L3MBTL1: variants seen among roughly 807,000 people sequenced by gnomAD.
The protein encoded by L3MBTL1 is L3MBTL histone methyl-lysine binding protein 1.
L3MBTL1 carries 75 observed loss-of-function variants against 105.3 expected under a neutral mutation model. The observed-to-expected ratio is 0.71, with a 90% CI of 0.59 to 0.86. The LOEUF is 0.86. Among genes scored for constraint, L3MBTL1 ranks in the 40% least tolerant of loss-of-function variants. The pLI is 0.00. For missense variants in L3MBTL1, 1,069 were observed against 1,126.4 expected (o/e 0.95, Z 0.73); for synonymous variants, 452 against 436.2 (o/e 1.04, Z -0.45).
intron 18 of L3MBTL1, among the ~76,000 whole-genome samples, chr20:43,547,102 C>CTTT (rs11478523): frequency 1.7e-4 from 21 of 122,638 alleles, no homozygotes; most frequent in Non-Finnish European, 2.5e-4. Context: ...TTTTTAATGA[C>CTTT]TTTTTTTTTT....
At chr20:43,514,502 C>A in intron 3 of L3MBTL1, 133 bp from the exon 4 acceptor site, 1 of 1,543,850 alleles carries the variant, frequency 6.5e-7, no homozygotes, top group Non-Finnish European at 8.8e-7. Context: ...GAGTGAGGCC[C>A]CCTGGCGTGG....
At chr20:43,518,537 A>G (rs1272359607) in intron 7 of L3MBTL1, among the ~76,000 whole-genome samples, 2 of 152,148 alleles carry the variant, frequency 1.3e-5, no homozygotes, top group African/African-American at 4.8e-5. Flanking sequence ...GCAAGTTTCT[A>G]CAACTTACTT....
At chr20:43,514,592 A>T (rs200654259) in intron 3 of L3MBTL1, 43 bp from the exon 4 acceptor site, 1 of 1,598,486 alleles carries the variant, frequency 6.3e-7, no homozygotes. Flanking sequence ...TGGGTCAAGG[A>T]CCCGTACGGG....
intron 1 of L3MBTL1, among the ~76,000 whole-genome samples, chr20:43,511,557 G>A (rs542233975): frequency 2.0e-5 from 3 of 152,138 alleles, no homozygotes; most frequent in African/African-American, 4.8e-5. Context: ...CGAGGTGGGC[G>A]GATCACCTGA....
chr20:43,508,958 T>C (rs2018059864), intron 1 of L3MBTL1, among the ~76,000 whole-genome samples: 2 of 152,120 alleles, frequency 1.3e-5, no homozygotes, highest in Non-Finnish European at 2.9e-5. Flanking sequence ...TCAAGTGAGG[T>C]AGCTCCCTAG....
At chr20:43,536,494 A>T in intron 19 of L3MBTL1, 36 bp downstream of exon 19, 1 of 1,609,452 alleles carries the variant, frequency 6.2e-7, no homozygotes, top group Admixed American at 1.7e-5. Context: ...GTCCTCCACC[A>T]CAGAGTGTTC....
At position 43,513,964 on chromosome 20, in the gene L3MBTL1, C is replaced by T; in HGVS notation, c.263C>T (p.Pro88Leu). 6.5e-7 allele frequency: 1 copy of T among 1,548,428 alleles called. No individual in the cohort carries two copies. The highest frequency in any genetic ancestry group is 8.7e-7 in the Non-Finnish European group (1 of 1,146,930). Reference protein sequence around the residue: ...GCEPVSATVLPQLSAGPASSS... With the variant: ...GCEPVSATVLLQLSAGPASSS... The stretch of plus-strand genomic sequence containing the variant: ...GAACCAGTTTCTGCCACCGTCCTGC[C>T]GCAGCTTAGCGCCGGGCCGGCCAGC... The change falls in exon 3 of 22, where the codon CCG becomes CTG. Residue 88 changes from proline to leucine, a missense_variant. By Grantham distance (98) the Pro-to-Leu change is moderately conservative. Transcript: ENST00000418998.
rs1403290850 is a variant in L3MBTL1, at chr20:43,514,734, G to T, written c.460G>T (p.Gly154Trp). 1 of 1,572,788 alleles carries T rather than the reference G, an allele frequency of 6.4e-7. No homozygotes were observed. The highest frequency in any genetic ancestry group is 8.6e-7 in the Non-Finnish European group (1 of 1,159,084). The part of the protein sequence containing the change: ...QEGVTEYEDG[G>W]APAGDGEAGP... ...AGGCGTGACCGAATACGAAGATGGC[G>T]GGGCCCCGGCGGGAGATGGCGAGGC... The change falls in exon 4 of 22, where the codon GGG (glycine) becomes TGG (tryptophan). Residue 154 changes from glycine (G) to tryptophan (W), a missense_variant. Transcript: ENST00000418998.
intron 7 of L3MBTL1, among the ~76,000 whole-genome samples, chr20:43,525,845 TA>T (rs1482289968): frequency 6.6e-6 from 1 of 152,204 alleles, no homozygotes; most frequent in Non-Finnish European, 1.5e-5. Context: ...GGCATCTCTG[TA>T]CCCCCAATTT....
intron 19 of L3MBTL1, 157 bp from the exon 20 acceptor site, chr20:43,539,994 G>T: frequency 1.3e-6 from 1 of 769,208 alleles, no homozygotes; most frequent in Non-Finnish European, 2.2e-6. Flanking sequence ...GGAGTCAGGA[G>T]ATACGGCTCA....
intron 19 of L3MBTL1, among the ~76,000 whole-genome samples, chr20:43,537,681 C>T (rs2019701441): frequency 6.6e-6 from 1 of 152,128 alleles, no homozygotes; most frequent in Admixed American, 6.5e-5. Flanking sequence ...GCCACTAGTA[C>T]AGGGCCTGAT....
chr20:43,540,548 C>A (rs1481138661), intron 20 of L3MBTL1, among the ~76,000 whole-genome samples: 1 of 152,152 alleles, frequency 6.6e-6, no homozygotes, highest in East Asian at 1.9e-4. Context: ...AGAAATCCAG[C>A]AGGAGAGGCA....
At chr20:43,526,167 C>T (rs983830753) in intron 7 of L3MBTL1, among the ~76,000 whole-genome samples, 2 of 152,032 alleles carry the variant, frequency 1.3e-5, no homozygotes, top group African/African-American at 4.8e-5. Context: ...GCAGCAGAGG[C>T]GCCTGAGACA....
Position 43,523,383 on chromosome 20 carries a change from G to A in L3MBTL1, c.863-5274G>A, listed in dbSNP as rs117489718. 1,093 of 219,654 alleles carry A rather than the reference G, an allele frequency of 5.0e-3. 23 individuals are homozygous for A. Among genetic ancestry groups the A allele is most frequent in the East Asian group, 0.034 (308 of 9,180 alleles). 13.6% of individuals were successfully genotyped at this position (219,654 alleles called of 1,614,324 possible). ...CATAATGCCAGCCAAGGTCTCAGAC[G>A]TAGCAAGGAAAACCCAAGCATCCCT... is the stretch of plus-strand genomic sequence containing the variant. On this transcript the variant is annotated intron_variant, in intron 7 of 21. Coordinates refer to ENST00000418998, the MANE Select transcript of L3MBTL1 (RefSeq NM_001377303.1).
At chr20:43,508,827 G>T (rs187595652) in intron 1 of L3MBTL1, among the ~76,000 whole-genome samples, 136 of 152,352 alleles carry the variant, frequency 8.9e-4, no homozygotes, top group African/African-American at 3.1e-3. Flanking sequence ...GCCTCAGCCT[G>T]ACCTAATGGA....
intron 7 of L3MBTL1, among the ~76,000 whole-genome samples, chr20:43,523,950 G>A (rs1215996665): frequency 2.0e-5 from 3 of 147,600 alleles, no homozygotes; most frequent in Non-Finnish European, 3.0e-5. Context: ...AGCTGAGATC[G>A]TGCCACTGCA....
chr20:43,530,566 C>A, intron 10 of L3MBTL1, 147 bp downstream of exon 10: 1 of 972,332 alleles, frequency 1.0e-6, no homozygotes, highest in Non-Finnish European at 1.5e-6. Context: ...ATCCTGATGA[C>A]TCTGCGCTGG....
At chr20:43,544,581 C>G (rs573451922), downstream of L3MBTL1, among the ~76,000 whole-genome samples, 4 of 152,126 alleles carry the variant, frequency 2.6e-5, no homozygotes, top group Non-Finnish European at 5.9e-5. Context: ...CTTTGAAGAA[C>G]CTGGAACCTG....
chr20:43,507,919 C>A (rs978945271), intron 1 of L3MBTL1, among the ~76,000 whole-genome samples, 175 bp downstream of exon 1: 1 of 152,114 alleles, frequency 6.6e-6, no homozygotes, highest in Admixed American at 6.5e-5. Context: ...CCGGGGAAAG[C>A]GGTCTGGGCG....
Sources: gnomAD v4.1 joint callset for allele counts (sites outside exome capture counted in the v4.1 genomes callset) on GRCh38, gnomAD v4.1.1 for gene constraint, MANE v1.5 for transcripts, NCBI Gene and HGNC (gene_info 2026-07-23, HGNC 2026-07-21) for gene names.